Variants in OPCML observed in about 807,000 individuals in gnomAD.
OPCML encodes the protein opioid binding protein/cell adhesion molecule like, also known as opioid-binding protein/cell adhesion molecule.
In OPCML, 13 loss-of-function variants were observed where a neutral mutation model predicts 37.8. That is an observed-to-expected ratio of 0.34 (90% CI 0.22 to 0.55). OPCML has a LOEUF of 0.55. Among genes scored for constraint, OPCML ranks in the 20% least tolerant of loss-of-function variants. The pLI is 0.91. For synonymous variants in OPCML, 176 were observed against 168.8 expected, an observed-to-expected ratio of 1.04 and a Z score of -0.33; for missense variants, 341 against 435.6, an observed-to-expected ratio of 0.78 and a Z score of 1.93.
rs556732777 is a variant in OPCML at position 133,113,663 on chromosome 11, G to A, written c.62-170653C>T. Among the ~76,000 whole-genome samples, 21 of 152,286 alleles carry A rather than the reference G, an allele frequency of 1.4e-4. No individual in the cohort carries two copies. The South Asian group carries it at 3.5e-3, about 26-fold the overall frequency. ...AATAATTAACTGGCTTTCTGTTGTC[G>A]AAGGATAAGGCAATTTTGATAATGA... On this transcript the variant is annotated intron_variant, in intron 1 of 7. Transcript: ENST00000524381.
At chr11:133,289,439 C>CAA (rs1030229232) in intron 1 of OPCML, among the ~76,000 whole-genome samples, 1 of 151,340 alleles carries the variant, frequency 6.6e-6, no homozygotes, top group Non-Finnish European at 1.5e-5. Flanking sequence ...ACTAAAAATA[C>CAA]AAAAAATTAG....
chr11:132,592,589 G>A (rs188394408), intron 3 of OPCML, among the ~76,000 whole-genome samples: 31 of 152,332 alleles, frequency 2.0e-4, no homozygotes, highest in Admixed American at 6.5e-4. Context: ...TCCAGTGAGT[G>A]AGCATGCCCA....
intron 1 of OPCML, among the ~76,000 whole-genome samples, chr11:133,377,828 A>G (rs1162795297): frequency 6.6e-6 from 1 of 152,134 alleles, no homozygotes; most frequent in Non-Finnish European, 1.5e-5. Flanking sequence ...CACTGAGCCC[A>G]GATGAATAGA....
At chr11:133,380,142 T>G (rs769581123) in intron 1 of OPCML, among the ~76,000 whole-genome samples, 110 of 152,122 alleles carry the variant, frequency 7.2e-4, no homozygotes, top group Non-Finnish European at 1.1e-3. Flanking sequence ...TATAAATGAC[T>G]GGCCAGAATA....
chr11:132,493,396 T>A (rs556839630), intron 4 of OPCML, among the ~76,000 whole-genome samples: 1 of 152,348 alleles, frequency 6.6e-6, no homozygotes, highest in South Asian at 2.1e-4. Context: ...CCAAAGGGAA[T>A]GCAATTTCTA....
intron 3 of OPCML, among the ~76,000 whole-genome samples, chr11:132,651,006 C>A (rs1941401796): frequency 6.6e-6 from 1 of 151,978 alleles, no homozygotes; most frequent in Non-Finnish European, 1.5e-5. Context: ...TAGGGAAATC[C>A]CTGGCAAAAT....
chr11:133,359,736 T>G (rs780525587), intron 1 of OPCML, among the ~76,000 whole-genome samples: 6 of 152,210 alleles, frequency 3.9e-5, no homozygotes, highest in Non-Finnish European at 7.4e-5. Flanking sequence ...TGTCTCCACA[T>G]TTAACTGTAA....
At chr11:133,040,040 G>A (rs1043326392) in intron 1 of OPCML, among the ~76,000 whole-genome samples, 111 of 150,868 alleles carry the variant, frequency 7.4e-4, no homozygotes, top group African/African-American at 2.7e-3. Flanking sequence ...AAAAAAAAAA[G>A]ATGGGGGATG....
At chr11:133,284,515 G>A (rs148147347) in intron 1 of OPCML, among the ~76,000 whole-genome samples, 7 of 152,344 alleles carry the variant, frequency 4.6e-5, no homozygotes, top group African/African-American at 1.7e-4. Flanking sequence ...AAAGGAGGAA[G>A]ACAGAGATGG....
At chr11:133,531,398 C>T (rs1284484151) in intron 1 of OPCML, among the ~76,000 whole-genome samples, 1 of 152,142 alleles carries the variant, frequency 6.6e-6, no homozygotes, top group Non-Finnish European at 1.5e-5. Flanking sequence ...AATCATTAGA[C>T]AAGGTGGGGA....
chr11:132,636,409 C>T (rs945479103), intron 3 of OPCML, among the ~76,000 whole-genome samples: 1 of 152,152 alleles, frequency 6.6e-6, no homozygotes, highest in Admixed American at 6.6e-5. Flanking sequence ...TGTAGCTTTG[C>T]ACTTTATTTA....
intron 2 of OPCML, among the ~76,000 whole-genome samples, chr11:132,798,779 T>A (rs1237101712): frequency 6.6e-6 from 1 of 152,220 alleles, no homozygotes; most frequent in Admixed American, 6.5e-5. Context: ...GCAATCTCTA[T>A]CTATGGCAGC....
chr11:132,842,793 A>G (rs1189763436), intron 2 of OPCML, among the ~76,000 whole-genome samples: 2 of 152,202 alleles, frequency 1.3e-5, no homozygotes, highest in African/African-American at 4.8e-5. Context: ...GCTGAATCCC[A>G]TCTTGAACAT....
chr11:133,006,421 A>C, intron 1 of OPCML: 1 of 985,080 alleles, frequency 1.0e-6, no homozygotes, highest in Non-Finnish European at 1.2e-6. Context: ...AACTGAAAAA[A>C]AGTCCTGCAA....
intron 2 of OPCML, among the ~76,000 whole-genome samples, chr11:132,882,295 A>G (rs998202064): frequency 6.6e-6 from 1 of 152,224 alleles, no homozygotes; most frequent in Non-Finnish European, 1.5e-5. Flanking sequence ...AAACAAAACA[A>G]AAAGTATTAC....
chr11:133,258,408 A>G (rs947379809), intron 1 of OPCML, among the ~76,000 whole-genome samples: 4 of 152,192 alleles, frequency 2.6e-5, no homozygotes, highest in Admixed American at 6.5e-5. Context: ...GTGGCAGGGC[A>G]TAGGTGAAGG....
At chr11:133,495,864 GCTGA>G (rs1313616546) in intron 1 of OPCML, among the ~76,000 whole-genome samples, 4 of 152,016 alleles carry the variant, frequency 2.6e-5, no homozygotes, top group Non-Finnish European at 5.9e-5. Context: ...TGTTAACTCT[GCTGA>G]CTGTTCCTTT....
At chr11:133,531,366 G>A (rs937214777) in intron 1 of OPCML, among the ~76,000 whole-genome samples, 4 of 152,208 alleles carry the variant, frequency 2.6e-5, no homozygotes, top group African/African-American at 4.8e-5. Context: ...AATAACTGCT[G>A]TGAGAGGTGG....
chr11:133,504,824 C>T (rs960957365), intron 1 of OPCML, among the ~76,000 whole-genome samples: 1 of 152,146 alleles, frequency 6.6e-6, no homozygotes, highest in African/African-American at 2.4e-5. Context: ...TTAAAATGCG[C>T]CACCATGGAG....
Sources: allele counts gnomAD v4.1 joint callset (sites outside exome capture counted in the v4.1 genomes callset), GRCh38; gene constraint gnomAD v4.1.1; transcripts MANE v1.5; gene names NCBI Gene and HGNC (gene_info 2026-07-23, HGNC 2026-07-21).